CFAP300: variants seen among roughly 807,000 people sequenced by gnomAD.
CFAP300 encodes the protein cilia- and flagella-associated protein 300.
CFAP300 carries 32 observed loss-of-function variants against 33.0 expected under a neutral mutation model. That is an observed-to-expected ratio of 0.97 (90% CI 0.73 to 1.30). CFAP300 has a LOEUF of 1.30. Among genes scored for constraint, CFAP300 ranks in the 50% most tolerant of loss-of-function variants. The pLI, the probability that CFAP300 is intolerant of heterozygous loss-of-function variation, is 0.00. For missense variants in CFAP300, 356 were observed against 318.1 expected, an observed-to-expected ratio of 1.12 and a Z score of -0.90; for synonymous variants, 102 against 106.8, an observed-to-expected ratio of 0.95 and a Z score of 0.28.
rs750737485 is a variant in CFAP300, at chr11:102,058,955, G to A, written c.268G>A (p.Gly90Arg). Residue 90 changes from glycine to arginine, a missense_variant and splice_region_variant, in exon 3 of 7, where the codon GGA (glycine) becomes AGA (arginine). Physicochemically the swap from Gly to Arg is moderately radical, Grantham distance 125. Coordinates refer to ENST00000434758, the MANE Select transcript of CFAP300 (RefSeq NM_032930.3). Reference sequence around the variant, plus strand: ...TTCTTCTGGACAATGGATCATATTAGGTAAATAAAATTTTCATCTTTTCAG... The same window carrying A: ...TTCTTCTGGACAATGGATCATATTAAGTAAATAAAATTTTCATCTTTTCAG... ...SDSSGQWIIL[G>R]TEVKKIEAIN... 3 of 1,523,990 alleles carry A rather than the reference G, an allele frequency of 2.0e-6. No homozygotes were observed. The African/African-American group carries it at 4.2e-5, about 21-fold the overall frequency. 94.4% of individuals were successfully genotyped at this position (1,523,990 alleles called of 1,614,324 possible). A position where few individuals can be genotyped will look rare whatever the true frequency, so the allele number is the denominator to read the frequency against.
intron 4 of CFAP300, among the ~76,000 whole-genome samples, chr11:102,066,973 A>G (rs1278779451): frequency 6.6e-6 from 1 of 152,238 alleles, no homozygotes; most frequent in Non-Finnish European, 1.5e-5. Context: ...GTGCTGAAGC[A>G]GGAAAGTCCT....
intron 2 of CFAP300, among the ~76,000 whole-genome samples, chr11:102,055,328 A>C (rs1942035251): frequency 6.9e-6 from 1 of 144,740 alleles, no homozygotes; most frequent in African/African-American, 2.6e-5. Context: ...TAAATGTATA[A>C]AAGTTTTATT....
In CFAP300 at chr11:102,083,764, T is replaced by G. The variant is rs186215351; in HGVS notation, c.*565T>G. 2 of 152,346 alleles carry G rather than the reference T, an allele frequency of 1.3e-5. No individual in the cohort carries two copies. The highest frequency in any genetic ancestry group is 2.9e-5 in the Non-Finnish European group (2 of 68,174). The allele number at this position is 152,346 out of a possible 1,614,324, so 9.4% of individuals were successfully genotyped here. A position where few individuals can be genotyped will look rare whatever the true frequency, so the allele number is the denominator to read the frequency against. On this transcript the variant is annotated 3_prime_UTR_variant, in exon 7 of 7. Transcript: ENST00000434758. ...CTGGCACGGTGGCTCACGCCTGTAA[T>G]CTCAGCACTTTGGGAGGCCAAGGCG...
intron 2 of CFAP300, among the ~76,000 whole-genome samples, chr11:102,054,003 A>G (rs985836925): frequency 6.6e-6 from 1 of 152,174 alleles, no homozygotes; most frequent in Non-Finnish European, 1.5e-5. Flanking sequence ...GAACCAGTTT[A>G]GGAGAGCCTG....
In CFAP300 at chr11:102,081,289, T is replaced by G. The variant is rs61916044; in HGVS notation, c.675+8T>G. ...TTTAAAGTTTCAGCTTATGTAAGTG[T>G]GAGAGAACTTTTGCAACCAAAGAAT... On this transcript the variant is annotated splice_region_variant and intron_variant, in intron 6 of 6. Coordinates refer to ENST00000434758, the MANE Select transcript of CFAP300 (RefSeq NM_032930.3). 1.3e-4 allele frequency: 213 copies of G among 1,609,808 alleles called. No individual in the cohort carries two copies. Among genetic ancestry groups the G allele is most frequent in the Non-Finnish European group, 1.7e-4 (198 of 1,177,610 alleles).
chr11:102,065,993 C>T (rs1436693822), intron 3 of CFAP300, among the ~76,000 whole-genome samples: 4 of 139,232 alleles, frequency 2.9e-5, no homozygotes, highest in Non-Finnish European at 3.0e-5. Context: ...TTTTTTGAGA[C>T]GCAGCCTAGG....
chr11:102,076,136 G>A, intron 5 of CFAP300, 91 bp downstream of exon 5: 2 of 1,374,446 alleles, frequency 1.5e-6, no homozygotes, highest in Non-Finnish European at 1.9e-6. Flanking sequence ...ATCATTCAGT[G>A]GTTATATTAA....
At chr11:102,051,346 C>T (rs932543021) in intron 2 of CFAP300, among the ~76,000 whole-genome samples, 1 of 152,146 alleles carries the variant, frequency 6.6e-6, no homozygotes, top group Non-Finnish European at 1.5e-5. Context: ...ACATAAACAA[C>T]TTCAAGGAAG....
At chr11:102,055,708 T>C (rs1416847616) in intron 2 of CFAP300, among the ~76,000 whole-genome samples, 3 of 142,784 alleles carry the variant, frequency 2.1e-5, no homozygotes, top group East Asian at 2.1e-4. Context: ...AGTCTCGCTC[T>C]GTCGCCCAGG....
At chr11:102,061,524 T>C (rs1237079087) in intron 3 of CFAP300, among the ~76,000 whole-genome samples, 1 of 152,194 alleles carries the variant, frequency 6.6e-6, no homozygotes. Context: ...AGATACACTT[T>C]GTCTTTTTTT....
chr11:102,049,887 A>T (rs528746083), intron 2 of CFAP300, among the ~76,000 whole-genome samples: 128 of 151,906 alleles, frequency 8.4e-4, no homozygotes, highest in Non-Finnish European at 1.3e-3. Context: ...ATGGTGGCTC[A>T]CAACTGTAAT....
At chr11:102,052,200 T>C (rs947677673) in intron 2 of CFAP300, among the ~76,000 whole-genome samples, 1 of 152,212 alleles carries the variant, frequency 6.6e-6, no homozygotes, top group Non-Finnish European at 1.5e-5. Context: ...GACCTGCTGC[T>C]CCATTTATAA....
intron 3 of CFAP300, among the ~76,000 whole-genome samples, chr11:102,063,837 A>G (rs892199357): frequency 1.3e-5 from 2 of 152,176 alleles, no homozygotes; most frequent in African/African-American, 4.8e-5. Context: ...AGAAAAAAAA[A>G]GTTTGTGGGG....
At chr11:102,055,874 T>G (rs1406218059) in intron 2 of CFAP300, among the ~76,000 whole-genome samples, 5 of 151,930 alleles carry the variant, frequency 3.3e-5, no homozygotes, top group Admixed American at 2.0e-4. Flanking sequence ...TTTCACCGTG[T>G]TAGTCAGGAT....
chr11:102,053,820 A>G (rs1392605656), intron 2 of CFAP300, among the ~76,000 whole-genome samples: 1 of 152,236 alleles, frequency 6.6e-6, no homozygotes, highest in Admixed American at 6.5e-5. Context: ...AAAATTCTTC[A>G]CTTGACTGCA....
At chr11:102,064,031 C>T (rs1389843210) in intron 3 of CFAP300, among the ~76,000 whole-genome samples, 1 of 152,184 alleles carries the variant, frequency 6.6e-6, no homozygotes, top group Non-Finnish European at 1.5e-5. Context: ...CCATCTCCAA[C>T]TACCATCACG....
intron 2 of CFAP300, among the ~76,000 whole-genome samples, chr11:102,054,104 G>A (rs554113829): frequency 6.6e-6 from 1 of 152,320 alleles, no homozygotes; most frequent in African/African-American, 2.4e-5. Context: ...GCCACAATCA[G>A]GGCTTTTTAG....
intron 3 of CFAP300, among the ~76,000 whole-genome samples, chr11:102,062,330 A>C (rs1296232556): frequency 6.6e-6 from 1 of 152,160 alleles, no homozygotes; most frequent in African/African-American, 2.4e-5. Flanking sequence ...GGTACTGAGA[A>C]GTGAGGAGCT....
chr11:102,056,786 G>A (rs1369462216), intron 2 of CFAP300, among the ~76,000 whole-genome samples: 1 of 151,884 alleles, frequency 6.6e-6, no homozygotes, highest in Admixed American at 6.6e-5. Context: ...ACCATGCCCA[G>A]CTAATTTTTG....
Sources: gnomAD v4.1 joint callset for allele counts (sites outside exome capture counted in the v4.1 genomes callset) on GRCh38, gnomAD v4.1.1 for gene constraint, MANE v1.5 for transcripts, NCBI Gene and HGNC (gene_info 2026-07-23, HGNC 2026-07-21) for gene names.